Variants in ARGLU1 observed in about 807,000 individuals in gnomAD.
ARGLU1 encodes the protein arginine and glutamate-rich protein 1.
In ARGLU1, 9 loss-of-function variants were observed where a neutral mutation model predicts 37.6. The ratio of observed to expected loss-of-function variants is 0.24; its 90% CI spans 0.14 to 0.42. The LOEUF (loss-of-function observed/expected upper bound fraction) is 0.42. Among genes scored for constraint, ARGLU1 ranks in the 10% least tolerant of loss-of-function variants. The probability of loss-of-function intolerance (pLI) is 1.00; values close to 1 mark genes in which losing one functional copy is unlikely to be tolerated. For missense variants in ARGLU1, 211 were observed against 359.2 expected (o/e 0.59, Z 3.34); for synonymous variants, 166 against 138.5 (o/e 1.20, Z -1.39).
At chr13:106,564,071 T>G (rs1880889510) in intron 1 of ARGLU1, among the ~76,000 whole-genome samples, 1 of 152,190 alleles carries the variant, frequency 6.6e-6, no homozygotes, top group African/African-American at 2.4e-5. Context: ...AGAACCACAC[T>G]GAATGGCTGG....
chr13:106,544,278 A>T, intron 3 of ARGLU1, 118 bp from the exon 4 acceptor site: 1 of 814,784 alleles, frequency 1.2e-6, no homozygotes, highest in Non-Finnish European at 1.7e-6. Flanking sequence ...AAATGCAAAA[A>T]AGGGGGTAAA....
intron 3 of ARGLU1, among the ~76,000 whole-genome samples, chr13:106,544,642 T>C (rs1452535012): frequency 6.6e-6 from 1 of 152,132 alleles, no homozygotes; most frequent in Non-Finnish European, 1.5e-5. Context: ...AGGTACAGAT[T>C]TACTCAAAGA....
rs1054700272 is a variant in ARGLU1 at position 106,561,453 on chromosome 13, ACACACAC to A, written c.348-1803_348-1797del. On this transcript the variant is annotated intron_variant, in intron 1 of 3. Transcript: ENST00000400198. Reference sequence around the variant, plus strand: ...CACACACACACACACACACACACACACACACACACTTTTGCTAGTTGGTTCTTCTGAA... The same window carrying A: ...CACACACACACACACACACACACACAACTTTTGCTAGTTGGTTCTTCTGAA... Among the ~76,000 whole-genome samples, 4 of 149,380 alleles carry A rather than the reference ACACACAC, an allele frequency of 2.7e-5. 1 individual carries two copies. The highest frequency in any genetic ancestry group is 4.2e-4 in the South Asian group (2 of 4,744).
At position 106,568,042 on chromosome 13, in the gene ARGLU1, A is replaced by G. The variant is rs1881026620; in HGVS notation, c.-123T>C. The stretch of plus-strand genomic sequence containing the variant: ...CCGGAGGAAAGAAAGGTGTCGGCCA[A>G]CGGACTTTATGCCTTTTCCCGGCGT... On this transcript the variant is annotated 5_prime_UTR_variant, in exon 1 of 4. Coordinates refer to ENST00000400198, the MANE Select transcript of ARGLU1 (RefSeq NM_018011.4). 1 of 1,403,318 alleles carries G rather than the reference A, an allele frequency of 7.1e-7. No individual in the cohort carries two copies. The allele number at this position is 1,403,318 out of a possible 1,614,324, so 86.9% of individuals were successfully genotyped here. A position where few individuals can be genotyped will look rare whatever the true frequency, so the allele number is the denominator to read the frequency against.
At chr13:106,545,090 G>A (rs1880358481) in intron 3 of ARGLU1, among the ~76,000 whole-genome samples, 1 of 152,102 alleles carries the variant, frequency 6.6e-6, no homozygotes, top group Non-Finnish European at 1.5e-5. Flanking sequence ...TCCCCAAGGG[G>A]ACATTAGGCA....
intron 3 of ARGLU1, among the ~76,000 whole-genome samples, chr13:106,550,353 G>A (rs369648156): frequency 6.6e-6 from 1 of 152,052 alleles, no homozygotes; most frequent in African/African-American, 2.4e-5. Context: ...CTCATGTCCA[G>A]AAATTTATTT....
chr13:106,566,431 G>A (rs1566476696), intron 1 of ARGLU1, among the ~76,000 whole-genome samples: 1 of 152,200 alleles, frequency 6.6e-6, no homozygotes, highest in Non-Finnish European at 1.5e-5. Context: ...CATAAATTCA[G>A]TAACGTTCTT....
chr13:106,547,204 A>G (rs1009173811), intron 3 of ARGLU1, among the ~76,000 whole-genome samples: 17 of 152,184 alleles, frequency 1.1e-4, no homozygotes, highest in Non-Finnish European at 1.9e-4. Context: ...CAGAACCCTG[A>G]GCCAAATATT....
At chr13:106,550,938 G>A (rs768671182) in intron 3 of ARGLU1, among the ~76,000 whole-genome samples, 6 of 152,050 alleles carry the variant, frequency 3.9e-5, no homozygotes, top group Non-Finnish European at 8.8e-5. Context: ...GGCAGTTTCT[G>A]CTGACACAAC....
At chr13:106,564,300 C>T (rs1052987759) in intron 1 of ARGLU1, among the ~76,000 whole-genome samples, 1 of 152,148 alleles carries the variant, frequency 6.6e-6, no homozygotes, top group Non-Finnish European at 1.5e-5. Context: ...TATTACATGC[C>T]AAGTATCACC....
At chr13:106,560,841 A>G (rs1880781889) in intron 1 of ARGLU1, among the ~76,000 whole-genome samples, 1 of 152,192 alleles carries the variant, frequency 6.6e-6, no homozygotes, top group South Asian at 2.1e-4. Context: ...TATGAGAATC[A>G]TTCAATTTAT....
Position 106,557,523 on chromosome 13 carries a change from T to C in ARGLU1, c.574-392A>G. The C allele has an allele frequency of 6.5e-7, 1 of 1,542,168 alleles. No homozygotes were observed. The highest frequency in any genetic ancestry group is 8.8e-7 in the Non-Finnish European group (1 of 1,137,214). On this transcript the variant is annotated intron_variant, in intron 2 of 3. Coordinates refer to ENST00000400198, the MANE Select transcript of ARGLU1 (RefSeq NM_018011.4). The surrounding 1 kb of genome is among the most constrained non-coding windows in gnomAD (Gnocchi z 5.0). Reference sequence around the variant, plus strand: ...TGTATACCTACGTATTCTTTACCTATACTCCTTTAATCAGCATTAAAAGTT... The same window carrying C: ...TGTATACCTACGTATTCTTTACCTACACTCCTTTAATCAGCATTAAAAGTT...
At position 106,542,073 on chromosome 13, in the gene ARGLU1, A is replaced by G. The variant is rs1414312205; in HGVS notation, c.*1923T>C. On this transcript the variant is annotated 3_prime_UTR_variant, in exon 4 of 4. Coordinates refer to ENST00000400198, the MANE Select transcript of ARGLU1 (RefSeq NM_018011.4). ...GTCTCCAAAAGCAAGCAGATACTGC[A>G]GGATGTCATTAAGCAACTTACTGTC... is the stretch of plus-strand genomic sequence containing the variant. 1 of 152,166 alleles carries G rather than the reference A, an allele frequency of 6.6e-6. No individual in the cohort carries two copies. The highest frequency in any genetic ancestry group is 1.5e-5 in the Non-Finnish European group (1 of 68,016). The allele number at this position is 152,166 out of a possible 1,614,324, so 9.4% of individuals were successfully genotyped here.
chr13:106,566,860 T>C (rs908011701), intron 1 of ARGLU1, among the ~76,000 whole-genome samples: 1 of 151,794 alleles, frequency 6.6e-6, no homozygotes, highest in Non-Finnish European at 1.5e-5. Flanking sequence ...AAAAAAGCGG[T>C]AGGCTTTGGG....
chr13:106,543,946 C>A lies in ARGLU1; in HGVS notation c.*50G>T. ...AAAAAACCACTTCAACATGAAGCTA[C>A]CATACAAAGTTTTTCCATTTTTCTT... On this transcript the variant is annotated 3_prime_UTR_variant, in exon 4 of 4. Transcript: ENST00000400198. 6.7e-7 allele frequency: 1 copy of A among 1,502,140 alleles called. No individual in the cohort carries two copies. Among genetic ancestry groups the A allele is most frequent in the Non-Finnish European group, 8.9e-7 (1 of 1,124,530 alleles). The allele number at this position is 1,502,140 out of a possible 1,614,324, so 93.1% of individuals were successfully genotyped here.
At chr13:106,555,357 G>A (rs1327671137) in intron 3 of ARGLU1, among the ~76,000 whole-genome samples, 2 of 151,604 alleles carry the variant, frequency 1.3e-5, no homozygotes, top group African/African-American at 2.4e-5. Context: ...GCAAAACTCC[G>A]TCTCAAAAAC....
rs766423437 is a variant in ARGLU1 at position 106,567,575 on chromosome 13, T to C, written c.345A>G (p.Lys115=). Residue 115 remains lysine (K), a splice_region_variant and synonymous_variant, in exon 1 of 4, where the codon AAA becomes AAG. Transcript: ENST00000400198. This position sits in a 1 kb window ranked among gnomAD's most constrained non-coding sequence, Gnocchi z 4.3. ...EKKAEFERQR[K]IRQQEIEEKL... ...TCCCTCCCCGCGCGGGCACTCACAT[T>C]TTTCGCTGCCGCTCGAACTCCGCTT... 2.4e-5 allele frequency: 38 copies of C among 1,608,000 alleles called. No individual in the cohort carries two copies. Among genetic ancestry groups the C allele is most frequent in the African/African-American group, 9.4e-5 (7 of 74,626 alleles).
Position 106,543,954 on chromosome 13 carries a change from AG to A in ARGLU1, c.*41del. ...ACTTCAACATGAAGCTACCATACAA[AG>A]TTTTTCCATTTTTCTTTGTAAAAAG... On this transcript the variant is annotated 3_prime_UTR_variant, in exon 4 of 4. Coordinates refer to ENST00000400198, the MANE Select transcript of ARGLU1 (RefSeq NM_018011.4). The A allele has an allele frequency of 6.5e-7, 1 of 1,536,476 alleles. No homozygotes were observed. The highest frequency in any genetic ancestry group is 8.7e-7 in the Non-Finnish European group (1 of 1,149,986).
chr13:106,563,788 T>C (rs1880882654), intron 1 of ARGLU1, among the ~76,000 whole-genome samples: 1 of 152,214 alleles, frequency 6.6e-6, no homozygotes, highest in Admixed American at 6.5e-5. Flanking sequence ...CACAATGAAC[T>C]GCCCAAGTAT....
Sources: allele counts gnomAD v4.1 joint callset (sites outside exome capture counted in the v4.1 genomes callset), GRCh38; gene constraint gnomAD v4.1.1; non-coding constraint Gnocchi (gnomAD v3.1); transcripts MANE v1.5; gene names NCBI Gene and HGNC (gene_info 2026-07-23, HGNC 2026-07-21).